PTPN12: variants seen among roughly 807,000 people sequenced by gnomAD.
PTPN12 encodes tyrosine-protein phosphatase non-receptor type 12.
In PTPN12, 29 loss-of-function variants were observed where a neutral mutation model predicts 97.6. The ratio of observed to expected loss-of-function variants is 0.30; its 90% CI spans 0.22 to 0.41. The LOEUF (loss-of-function observed/expected upper bound fraction) is 0.41, where lower values mean the gene tolerates loss of function less well. PTPN12 is among the 10% of genes least tolerant of loss of function. PTPN12 has a pLI of 1.00. For missense variants in PTPN12, 819 were observed against 926.0 expected (o/e 0.88, Z 1.50); for synonymous variants, 327 against 300.4 (o/e 1.09, Z -0.91).
chr7:77,587,546 C>T (rs1362555174), intron 5 of PTPN12, among the ~76,000 whole-genome samples: 1 of 152,182 alleles, frequency 6.6e-6, no homozygotes, highest in Non-Finnish European at 1.5e-5. Context: ...AGACAGAGTA[C>T]ATTTGGCATG....
chr7:77,605,713 G>A (rs1435429048), intron 8 of PTPN12, among the ~76,000 whole-genome samples: 2 of 151,796 alleles, frequency 1.3e-5, no homozygotes, highest in African/African-American at 4.8e-5. Flanking sequence ...GAGCCACTGA[G>A]CCCAGCCTGT....
intron 14 of PTPN12, 33 bp downstream of exon 14, chr7:77,632,458 A>G (rs1479757660): frequency 1.4e-6 from 2 of 1,478,566 alleles, no homozygotes; most frequent in South Asian, 1.1e-5. Flanking sequence ...CATTTACTTC[A>G]TATTCTAATA....
At chr7:77,582,783 C>CAAA (rs374857749) in intron 3 of PTPN12, among the ~76,000 whole-genome samples, 1 of 98,716 alleles carries the variant, frequency 1.0e-5, no homozygotes, top group Non-Finnish European at 2.1e-5. Context: ...GACTCCGTCT[C>CAAA]AAAAAAAAAA....
intron 1 of PTPN12, among the ~76,000 whole-genome samples, chr7:77,551,057 T>A (rs2151300423): frequency 6.6e-6 from 1 of 152,234 alleles, no homozygotes; most frequent in South Asian, 2.1e-4. Context: ...TTTATTTATT[T>A]ATTATTTTTC....
intron 7 of PTPN12, among the ~76,000 whole-genome samples, chr7:77,598,110 CCACT>C (rs2151356282): frequency 6.6e-6 from 1 of 152,192 alleles, no homozygotes; most frequent in East Asian, 1.9e-4. Context: ...GCCCATAGTC[CCACT>C]CACTCAGAAG....
Position 77,632,432 on chromosome 7 carries a change from G to A in PTPN12, c.2074+7G>A, listed in dbSNP as rs772945202. 3.8e-6 allele frequency: 6 copies of A among 1,596,088 alleles called. No individual in the cohort carries two copies. In the East Asian group the frequency reaches 1.1e-4, roughly 30 times the overall value. On this transcript the variant is annotated splice_region_variant and intron_variant, in intron 14 of 17. Transcript: ENST00000248594. ...GTGTTAGCAAGTGAACATAGTGAGTGTCTCTTTTGCTTTTACATTTACTTC... is the reference window on the plus strand; with the variant it reads ...GTGTTAGCAAGTGAACATAGTGAGTATCTCTTTTGCTTTTACATTTACTTC...
intron 11 of PTPN12, among the ~76,000 whole-genome samples, chr7:77,616,821 C>T (rs534704316): frequency 2.0e-5 from 3 of 151,728 alleles, no homozygotes; most frequent in Admixed American, 6.6e-5. Context: ...CTTGCTCTGT[C>T]GCCCACACTG....
chr7:77,581,372 A>G, intron 2 of PTPN12, 55 bp from the exon 3 acceptor site: 7 of 1,211,262 alleles, frequency 5.8e-6, no homozygotes, highest in Non-Finnish European at 8.4e-6. Flanking sequence ...CTTACGCTTC[A>G]TTAGAAAATA....
intron 11 of PTPN12, among the ~76,000 whole-genome samples, chr7:77,613,167 GTTTT>G (rs576216122): frequency 1.0e-4 from 9 of 88,558 alleles, no homozygotes; most frequent in Admixed American, 3.2e-4. Context: ...TAATTTTTGG[GTTTT>G]TTTTTTTTTT....
chr7:77,559,593 A>G (rs1192509360), intron 1 of PTPN12, among the ~76,000 whole-genome samples: 1 of 152,232 alleles, frequency 6.6e-6, no homozygotes, highest in African/African-American at 2.4e-5. Context: ...TCCAGTTTTT[A>G]TTACCTTCAT....
intron 13 of PTPN12, among the ~76,000 whole-genome samples, chr7:77,629,695 A>G (rs946114158): frequency 3.9e-5 from 6 of 151,996 alleles, no homozygotes; most frequent in Non-Finnish European, 8.8e-5. Context: ...TAATCCCAGC[A>G]TTTTGGGAGG....
chr7:77,544,870 A>C (rs1248233058), intron 1 of PTPN12, among the ~76,000 whole-genome samples: 1 of 152,214 alleles, frequency 6.6e-6, no homozygotes, highest in Admixed American at 6.5e-5. Flanking sequence ...CTTCAGGTGA[A>C]TTCTTCAGTG....
At chr7:77,594,935 C>T (rs770907645) in intron 6 of PTPN12, among the ~76,000 whole-genome samples, 3 of 151,880 alleles carry the variant, frequency 2.0e-5, no homozygotes, top group Admixed American at 6.6e-5. Flanking sequence ...AAACAATTTA[C>T]AATAATGGAT....
At chr7:77,538,317 G>A (rs967159540) in intron 1 of PTPN12, among the ~76,000 whole-genome samples, 1 of 152,116 alleles carries the variant, frequency 6.6e-6, no homozygotes, top group Non-Finnish European at 1.5e-5. Flanking sequence ...TGGGGTCCGT[G>A]TGACTATAGG....
rs1789199997 is a variant in PTPN12, at chr7:77,626,755, C to T, written c.1076C>T (p.Pro359Leu). ...AKEEILQPPE[P>L]HPVPPILTPS... The stretch of plus-strand genomic sequence containing the variant: ...GAAGAAATACTGCAGCCACCGGAAC[C>T]TCATCCAGTGCCACCCATCTTGACA... The change falls in exon 13 of 18, where the codon CCT becomes CTT. Residue 359 changes from proline to leucine, a missense_variant. Physicochemically the swap from Pro to Leu is moderately conservative, Grantham distance 98. Transcript: ENST00000248594. 6.2e-7 allele frequency: 1 copy of T among 1,612,376 alleles called. No individual in the cohort carries two copies. The highest frequency in any genetic ancestry group is 8.5e-7 in the Non-Finnish European group (1 of 1,179,428).
intron 1 of PTPN12, among the ~76,000 whole-genome samples, chr7:77,570,665 G>GAA (rs1482302647): frequency 1.3e-5 from 2 of 152,360 alleles, no homozygotes; most frequent in East Asian, 1.9e-4. Context: ...TGCCTTGGGA[G>GAA]AAAGCCTGGC....
chr7:77,636,962 A>G, intron 15 of PTPN12, 56 bp from the exon 16 acceptor site: 1 of 1,378,946 alleles, frequency 7.3e-7, no homozygotes, highest in Non-Finnish European at 1.0e-6. Flanking sequence ...CCAGCTTTCT[A>G]TTATTTGTAT....
intron 5 of PTPN12, among the ~76,000 whole-genome samples, chr7:77,587,385 A>ATT (rs76404265): frequency 2.0e-5 from 3 of 151,478 alleles, no homozygotes; most frequent in African/African-American, 7.3e-5. Context: ...TTTGAAAGGA[A>ATT]TTTTTTTTTC....
At chr7:77,543,933 T>C (rs1663557648) in intron 1 of PTPN12, among the ~76,000 whole-genome samples, 3 of 152,250 alleles carry the variant, frequency 2.0e-5, no homozygotes, top group African/African-American at 7.2e-5. Context: ...GTATTTGAAT[T>C]GTTTCCACTT....
Sources: allele counts gnomAD v4.1 joint callset (sites outside exome capture counted in the v4.1 genomes callset), GRCh38; gene constraint gnomAD v4.1.1; transcripts MANE v1.5; gene names NCBI Gene and HGNC (gene_info 2026-07-23, HGNC 2026-07-21).